ANXA8: variants seen among roughly 807,000 people sequenced by gnomAD.
The protein encoded by ANXA8 is annexin A8, also known as VAC-beta.
A neutral mutation model predicts 26.8 loss-of-function variants in ANXA8; 9 were observed. The observed-to-expected ratio is 0.34, with a 90% CI of 0.20 to 0.59. ANXA8 has a LOEUF of 0.59. Ranked by LOEUF, ANXA8 falls within the 20% of genes least tolerant of loss-of-function variation. ANXA8 has a pLI of 0.84. For synonymous variants in ANXA8, 39 were observed against 94.8 expected, an observed-to-expected ratio of 0.41 and a Z score of 3.42; for missense variants, 83 against 238.5, an observed-to-expected ratio of 0.35 and a Z score of 4.29.
the ANXA8 span, chr10:47,763,454 T>G: frequency 1.5e-6 from 1 of 682,984 alleles, no homozygotes; most frequent in African/African-American, 1.9e-5. Flanking sequence ...TGCCGGTAAC[T>G]TAAGAAGCAT....
the ANXA8 span, among the ~76,000 whole-genome samples, chr10:47,686,117 C>T: frequency 6.6e-6 from 1 of 151,636 alleles, no homozygotes; most frequent in East Asian, 1.9e-4. Context: ...TCCTAAGAGC[C>T]TACGAAAAAT....
intron 1 of ANXA8, among the ~76,000 whole-genome samples, chr10:47,480,828 C>T (rs1318797744): frequency 3.0e-5 from 3 of 98,626 alleles, no homozygotes; most frequent in African/African-American, 7.2e-5. Flanking sequence ...ATCCATCCAT[C>T]CATCCACCCA....
chr10:47,495,283 ATTATT>A, the ANXA8 span, among the ~76,000 whole-genome samples: 1 of 106,094 alleles, frequency 9.4e-6, no homozygotes, highest in Non-Finnish European at 2.0e-5. Context: ...TATTATTATT[ATTATT>A]ATTATTATTA....
chr10:47,485,294 C>G (rs1433759020), upstream of ANXA8, among the ~76,000 whole-genome samples: 1 of 151,942 alleles, frequency 6.6e-6, no homozygotes, highest in Non-Finnish European at 1.5e-5. Flanking sequence ...TGTGCCTGTG[C>G]ATACCTGGAG....
chr10:47,558,028 ATTAAG>A, the ANXA8 span, among the ~76,000 whole-genome samples: 3 of 151,898 alleles, frequency 2.0e-5, no homozygotes, highest in Non-Finnish European at 1.5e-5. Flanking sequence ...ATCTGTGGTA[ATTAAG>A]TTAAAAATCA....
chr10:47,534,712 T>C, the ANXA8 span, among the ~76,000 whole-genome samples: 1 of 104,182 alleles, frequency 9.6e-6, no homozygotes, highest in Non-Finnish European at 1.9e-5. Flanking sequence ...TAGAGTGCAA[T>C]GGTGCGATCT....
upstream of ANXA8, among the ~76,000 whole-genome samples, chr10:47,488,713 A>ATTTTTTTT (rs1160121365): frequency 1.7e-3 from 104 of 62,120 alleles, 2 homozygotes; most frequent in African/African-American, 4.7e-3. Context: ...TACATGTTAA[A>ATTTTTTTT]TTTTTTTTTT....
the ANXA8 span, among the ~76,000 whole-genome samples, chr10:47,743,299 T>TATATATATAC: frequency 1.1e-4 from 1 of 9,426 alleles, no homozygotes; most frequent in South Asian, 3.4e-3. Context: ...TATATACACA[T>TATATATATAC]ATATATATAT....
At chr10:47,564,999 T>C in the ANXA8 span, 3 of 997,960 alleles carry the variant, frequency 3.0e-6, no homozygotes, top group African/African-American at 1.6e-5. Context: ...GTCCACCGTC[T>C]GGCCGGCATC....
chr10:47,678,663 C>T, the ANXA8 span, among the ~76,000 whole-genome samples: 1 of 151,814 alleles, frequency 6.6e-6, no homozygotes, highest in Non-Finnish European at 1.5e-5. Flanking sequence ...CATCAGTAAC[C>T]TTGGGACAAT....
the ANXA8 span, among the ~76,000 whole-genome samples, chr10:47,944,610 C>T: frequency 2.3e-4 from 34 of 150,526 alleles, no homozygotes; most frequent in South Asian, 4.4e-3. Context: ...ATACTGTTCT[C>T]GTGATGCTGA....
At chr10:47,652,446 A>C in the ANXA8 span, among the ~76,000 whole-genome samples, 1 of 151,380 alleles carries the variant, frequency 6.6e-6, no homozygotes, top group Admixed American at 6.6e-5. Context: ...AAAAAACAAA[A>C]ATTGGCTGGG....
the ANXA8 span, among the ~76,000 whole-genome samples, chr10:47,743,170 CA>C: frequency 0.018 from 649 of 36,968 alleles, 1 homozygote; most frequent in Middle Eastern, 0.048. Flanking sequence ...GACTCTGTCT[CA>C]AAAAAAAAAA....
At chr10:47,556,185 T>C in the ANXA8 span, among the ~76,000 whole-genome samples, 106 of 152,010 alleles carry the variant, frequency 7.0e-4, 3 homozygotes, top group Non-Finnish European at 1.5e-5. Context: ...ACTGGAAAAC[T>C]AGGCATGTAC....
chr10:47,743,305 T>TATAC, the ANXA8 span, among the ~76,000 whole-genome samples: 788 of 53,578 alleles, frequency 0.015, 111 homozygotes, highest in Middle Eastern at 0.035. Flanking sequence ...CACATATATA[T>TATAC]ATATATACAC....
the ANXA8 span, among the ~76,000 whole-genome samples, chr10:47,682,795 C>T: frequency 1.3e-5 from 2 of 152,054 alleles, no homozygotes; most frequent in African/African-American, 4.8e-5. Context: ...GGCCAGAAAA[C>T]CAGCTAGAGT....
the ANXA8 span, among the ~76,000 whole-genome samples, chr10:47,777,059 G>C: frequency 4.9e-4 from 74 of 152,102 alleles, no homozygotes; most frequent in African/African-American, 1.6e-3. Context: ...ATAGCTTCTA[G>C]GAAGTGAGGA....
the ANXA8 span, among the ~76,000 whole-genome samples, chr10:47,519,801 C>T: frequency 2.2e-4 from 1 of 4,518 alleles, no homozygotes; most frequent in Non-Finnish European, 4.2e-4. Flanking sequence ...TACTGTGCTG[C>T]ATTACTTCGC....
chr10:47,486,001 G>A (rs1319265086), upstream of ANXA8, among the ~76,000 whole-genome samples: 3 of 151,940 alleles, frequency 2.0e-5, no homozygotes, highest in Admixed American at 2.0e-4. Context: ...CCAGCTACTG[G>A]GGAGGCTGAG....
Sources: gnomAD v4.1 joint callset for allele counts (sites outside exome capture counted in the v4.1 genomes callset) on GRCh38, gnomAD v4.1.1 for gene constraint, MANE v1.5 for transcripts, NCBI Gene and HGNC (gene_info 2026-07-23, HGNC 2026-07-21) for gene names.